Variants in CHRM3 observed in about 807,000 individuals in gnomAD.
CHRM3 encodes muscarinic acetylcholine receptor M3.
Under a neutral mutation model 41.8 loss-of-function variants are expected in CHRM3, and 11 were observed. The ratio of observed to expected loss-of-function variants is 0.26; its 90% CI spans 0.17 to 0.44. The LOEUF (loss-of-function observed/expected upper bound fraction) is 0.44, where lower values mean the gene tolerates loss of function less well. Ranked by LOEUF, CHRM3 falls within the 20% of genes least tolerant of loss-of-function variation. The pLI is 1.00. For missense variants in CHRM3, 571 were observed against 745.4 expected, an observed-to-expected ratio of 0.77 and a Z score of 2.72; for synonymous variants, 297 against 301.4, an observed-to-expected ratio of 0.99 and a Z score of 0.15.
At chr1:239,894,479 T>C (rs1156998389) in intron 6 of CHRM3, among the ~76,000 whole-genome samples, 2 of 152,090 alleles carry the variant, frequency 1.3e-5, no homozygotes, top group Non-Finnish European at 2.9e-5. Flanking sequence ...GTCATTCAGG[T>C]TGGAGTGCAG....
At chr1:239,585,789 A>G (rs563776626) in intron 3 of CHRM3, among the ~76,000 whole-genome samples, 11 of 152,244 alleles carry the variant, frequency 7.2e-5, no homozygotes, top group Non-Finnish European at 1.5e-4. Flanking sequence ...TTTGTAAAAT[A>G]TAGTCAGCCA....
At chr1:239,785,188 A>G (rs556767416) in intron 5 of CHRM3, among the ~76,000 whole-genome samples, 1 of 152,316 alleles carries the variant, frequency 6.6e-6, no homozygotes, top group South Asian at 2.1e-4. Context: ...GAAGCCTTCC[A>G]ACCACTGCAG....
At chr1:239,672,466 G>A (rs939471009) in intron 4 of CHRM3, among the ~76,000 whole-genome samples, 1 of 152,140 alleles carries the variant, frequency 6.6e-6, no homozygotes, top group African/African-American at 2.4e-5. Flanking sequence ...CACTGTCAAT[G>A]TCAGCAGGGC....
chr1:239,760,421 G>T (rs553542664), intron 5 of CHRM3, among the ~76,000 whole-genome samples: 1 of 151,904 alleles, frequency 6.6e-6, no homozygotes, highest in South Asian at 2.1e-4. Flanking sequence ...GCAGTCAAGA[G>T]CCTCTTTGAT....
At chr1:239,481,823 G>C (rs1381110873) in intron 1 of CHRM3, among the ~76,000 whole-genome samples, 1 of 152,154 alleles carries the variant, frequency 6.6e-6, no homozygotes, top group East Asian at 1.9e-4. Flanking sequence ...GAAAAGTACA[G>C]CTATGTGTTG....
intron 1 of CHRM3, among the ~76,000 whole-genome samples, chr1:239,490,056 G>A (rs529070444): frequency 6.6e-6 from 1 of 152,266 alleles, no homozygotes; most frequent in Non-Finnish European, 1.5e-5. Flanking sequence ...GAAAATAATT[G>A]TATCGTAGGG....
At chr1:239,528,478 A>T (rs1036519163) in intron 2 of CHRM3, among the ~76,000 whole-genome samples, 4 of 152,232 alleles carry the variant, frequency 2.6e-5, no homozygotes, top group African/African-American at 9.6e-5. Context: ...AAATTTCAGT[A>T]ATCCAACTAC....
chr1:239,428,564 A>C (rs1422773907), intron 1 of CHRM3, among the ~76,000 whole-genome samples: 1 of 152,240 alleles, frequency 6.6e-6, no homozygotes, highest in Admixed American at 6.5e-5. Flanking sequence ...TGTTGAATAA[A>C]ACGGAATTTT....
intron 5 of CHRM3, among the ~76,000 whole-genome samples, chr1:239,792,347 A>G (rs1669419298): frequency 6.6e-6 from 1 of 152,174 alleles, no homozygotes; most frequent in African/African-American, 2.4e-5. Flanking sequence ...TCTCAGACTG[A>G]CAGCTTGCAG....
At chr1:239,601,758 T>G (rs1007475945) in intron 3 of CHRM3, among the ~76,000 whole-genome samples, 2 of 152,172 alleles carry the variant, frequency 1.3e-5, no homozygotes, top group African/African-American at 4.8e-5. Context: ...TGGCTGCTCT[T>G]ATAGTTGTTA....
rs531779262 is a variant in CHRM3 at position 239,590,884 on chromosome 1, A to G, written c.-312-41340A>G. Among the ~76,000 whole-genome samples, 4 of 152,304 alleles carry G rather than the reference A, an allele frequency of 2.6e-5. No homozygotes were observed. In the South Asian group the frequency reaches 8.3e-4, roughly 32 times the overall value. On this transcript the variant is annotated intron_variant, in intron 3 of 6. Transcript: ENST00000676153. The stretch of plus-strand genomic sequence containing the variant: ...CTCATTTTCATGGGAAAAAAAAAGA[A>G]GGTCTGAGGATTTTAGGTGGTTACA...
At chr1:239,690,063 A>AGAGAGAGAG (rs3063607) in intron 5 of CHRM3, among the ~76,000 whole-genome samples, 25 of 150,690 alleles carry the variant, frequency 1.7e-4, no homozygotes, top group African/African-American at 4.9e-4. Context: ...AGAGAGAGAG[A>AGAGAGAGAG]GAGACAGAGA....
At chr1:239,480,359 C>G (rs1353810051) in intron 1 of CHRM3, among the ~76,000 whole-genome samples, 1 of 151,886 alleles carries the variant, frequency 6.6e-6, no homozygotes, top group African/African-American at 2.4e-5. Context: ...ATCTTTTAAG[C>G]CCTGTGCAAA....
chr1:239,525,720 A>C (rs1439199505), intron 2 of CHRM3, among the ~76,000 whole-genome samples: 2 of 152,126 alleles, frequency 1.3e-5, no homozygotes, highest in African/African-American at 4.8e-5. Flanking sequence ...TTAATTTGCA[A>C]CTCTCCAACT....
intron 2 of CHRM3, among the ~76,000 whole-genome samples, chr1:239,505,614 C>A (rs770895017): frequency 6.6e-6 from 1 of 152,134 alleles, no homozygotes; most frequent in African/African-American, 2.4e-5. Flanking sequence ...GGCCCAGTCT[C>A]GGATGTGTCT....
rs1435806210 is a variant in CHRM3 at position 239,907,192 on chromosome 1, T to TG, written c.-19-238dup. Among the ~76,000 whole-genome samples, 3 of 152,298 alleles carry TG rather than the reference T, an allele frequency of 2.0e-5. No homozygotes were observed. Among genetic ancestry groups the TG allele is most frequent in the South Asian group, 2.1e-4 (1 of 4,820 alleles). On this transcript the variant is annotated intron_variant, in intron 6 of 6. Coordinates refer to ENST00000676153, the MANE Select transcript of CHRM3 (RefSeq NM_001375978.1). The surrounding 1 kb of genome is among the most constrained non-coding windows in gnomAD (Gnocchi z 5.4). Reference sequence around the variant, plus strand: ...AATATATTTAGAAATGAGAAAAATGTGGGAAAAAAGCACAATGTTCAGTGC... The same window carrying TG: ...AATATATTTAGAAATGAGAAAAATGTGGGGAAAAAAGCACAATGTTCAGTGC...
chr1:239,414,930 T>C (rs906551871), intron 1 of CHRM3, among the ~76,000 whole-genome samples: 1 of 152,202 alleles, frequency 6.6e-6, no homozygotes, highest in African/African-American at 2.4e-5. Flanking sequence ...CCTAAAATAA[T>C]ATTAAGGAGT....
intron 3 of CHRM3, among the ~76,000 whole-genome samples, chr1:239,621,486 G>C (rs1377299755): frequency 6.6e-6 from 1 of 152,174 alleles, no homozygotes; most frequent in Non-Finnish European, 1.5e-5. Context: ...AGTTAGCCAA[G>C]TTGTGAATGC....
intron 6 of CHRM3, among the ~76,000 whole-genome samples, chr1:239,841,606 T>C (rs1432463362): frequency 6.6e-6 from 1 of 152,194 alleles, no homozygotes; most frequent in East Asian, 1.9e-4. Flanking sequence ...CCTAAATCCA[T>C]TGACAGTTAA....
Sources: gnomAD v4.1 joint callset for allele counts (sites outside exome capture counted in the v4.1 genomes callset) on GRCh38, gnomAD v4.1.1 for gene constraint, Gnocchi (gnomAD v3.1) non-coding constraint, MANE v1.5 for transcripts, NCBI Gene and HGNC (gene_info 2026-07-23, HGNC 2026-07-21) for gene names.